Variants in TXK observed in about 807,000 individuals in gnomAD.
The protein encoded by TXK is tyrosine-protein kinase TXK.
In TXK, 60 loss-of-function variants were observed where a neutral mutation model predicts 81.0. That is an observed-to-expected ratio of 0.74 (90% CI 0.60 to 0.92). The LOEUF (loss-of-function observed/expected upper bound fraction) is 0.92. Ranked by LOEUF, TXK falls within the 40% of genes least tolerant of loss-of-function variation. The pLI, the probability that TXK is intolerant of heterozygous loss-of-function variation, is 0.00. For synonymous variants in TXK, 203 were observed against 210.7 expected (o/e 0.96, Z 0.32); for missense variants, 581 against 638.3 (o/e 0.91, Z 0.97).
At chr4:48,075,510 C>T (rs1473354786) in intron 12 of TXK, among the ~76,000 whole-genome samples, 1 of 151,934 alleles carries the variant, frequency 6.6e-6, no homozygotes, top group African/African-American at 2.4e-5. Context: ...ATTAGCTGGG[C>T]GTGGTGGCAT....
intron 1 of TXK, among the ~76,000 whole-genome samples, chr4:48,120,496 T>G (rs1350361424): frequency 6.6e-6 from 1 of 151,892 alleles, no homozygotes; most frequent in African/African-American, 2.4e-5. Context: ...AGTCTCTTTT[T>G]TTTTTTTTGG....
intron 6 of TXK, among the ~76,000 whole-genome samples, chr4:48,101,787 C>A (rs1718204025): frequency 6.7e-6 from 1 of 149,450 alleles, no homozygotes; most frequent in South Asian, 2.1e-4. Flanking sequence ...AGAAAAATTT[C>A]TTATACTAAG....
At chr4:48,082,973 A>G (rs775600423) in intron 10 of TXK, among the ~76,000 whole-genome samples, 4 of 152,116 alleles carry the variant, frequency 2.6e-5, no homozygotes, top group Non-Finnish European at 4.4e-5. Flanking sequence ...TCCCACATGC[A>G]TCCTTCAAGT....
chr4:48,111,669 C>T (rs1718637277), intron 4 of TXK, among the ~76,000 whole-genome samples: 1 of 152,114 alleles, frequency 6.6e-6, no homozygotes, highest in Admixed American at 6.5e-5. Flanking sequence ...AATTTACATG[C>T]TTATAATACT....
intron 1 of TXK, among the ~76,000 whole-genome samples, chr4:48,117,939 A>G (rs1718854812): frequency 6.6e-6 from 1 of 152,214 alleles, no homozygotes; most frequent in Non-Finnish European, 1.5e-5. Context: ...TGAGACTAAG[A>G]AAAAGCTAAC....
chr4:48,110,433 A>G, intron 5 of TXK, 105 bp downstream of exon 5: 1 of 739,404 alleles, frequency 1.4e-6, no homozygotes, highest in South Asian at 1.6e-5. Flanking sequence ...AACGCTGTCA[A>G]ATGTGTTACT....
At chr4:48,068,488 G>A (rs745724295) in intron 14 of TXK, among the ~76,000 whole-genome samples, 45 of 152,166 alleles carry the variant, frequency 3.0e-4, no homozygotes, top group Non-Finnish European at 5.1e-4. Flanking sequence ...GAGTGTGGAA[G>A]TCCCTCTCAC....
chr4:48,075,077 A>T (rs917479043), intron 12 of TXK, among the ~76,000 whole-genome samples: 4 of 151,918 alleles, frequency 2.6e-5, no homozygotes, highest in Non-Finnish European at 5.9e-5. Flanking sequence ...TCCCCCAAAA[A>T]GAGGAATGGG....
intron 1 of TXK, among the ~76,000 whole-genome samples, chr4:48,126,843 G>A (rs553792420): frequency 6.6e-6 from 1 of 152,238 alleles, no homozygotes; most frequent in South Asian, 2.1e-4. Flanking sequence ...TTATCAGTCA[G>A]CAGGCAGGAG....
intron 1 of TXK, among the ~76,000 whole-genome samples, chr4:48,128,126 C>T (rs556818005): frequency 6.6e-6 from 1 of 152,362 alleles, no homozygotes; most frequent in Admixed American, 6.5e-5. Context: ...ACATCGTCAC[C>T]TCCAGTTCAT....
intron 14 of TXK, among the ~76,000 whole-genome samples, chr4:48,067,942 G>C (rs1716673967): frequency 7.2e-5 from 11 of 152,162 alleles, no homozygotes; most frequent in Admixed American, 7.2e-4. Flanking sequence ...ATCCAGGCTG[G>C]CTCTTCACAA....
Position 48,100,732 on chromosome 4 carries a change from T to C in TXK, c.501+4169A>G, listed in dbSNP as rs1416609789. ...ATATAAATGGGAAAAGATATGTGTA[T>C]AGGTTATGGATGGTAGCATTGTTTC... On this transcript the variant is annotated intron_variant, in intron 6 of 14. Coordinates refer to ENST00000264316, the MANE Select transcript of TXK (RefSeq NM_003328.3). 2.6e-5 allele frequency among the ~76,000 whole-genome samples: 4 copies of C among 152,322 alleles called. No individual in the cohort carries two copies. The East Asian group carries it at 5.8e-4, about 22-fold the overall frequency.
intron 1 of TXK, among the ~76,000 whole-genome samples, chr4:48,132,894 T>C (rs953236365): frequency 4.8e-4 from 73 of 151,266 alleles, no homozygotes; most frequent in African/African-American, 1.6e-3. Context: ...TGCAGTGAGC[T>C]GAGATCGTGC....
At chr4:48,112,938 C>A (rs1180628811) in intron 3 of TXK, among the ~76,000 whole-genome samples, 1 of 152,038 alleles carries the variant, frequency 6.6e-6, no homozygotes, top group East Asian at 1.9e-4. Context: ...GAAAATTAAT[C>A]TCAGCCTCAA....
At position 48,067,649 on chromosome 4, in the gene TXK, C is replaced by T. The variant is rs967956192; in HGVS notation, c.1572G>A (p.Ala524=). 15 of 1,613,928 alleles carry T rather than the reference C, an allele frequency of 9.3e-6. No homozygotes were observed. The highest frequency in any genetic ancestry group is 1.1e-5 in the Non-Finnish European group (13 of 1,180,006). Residue 524 remains alanine (A), a synonymous_variant, in exon 15 of 15, where the codon GCG becomes GCA. Transcript: ENST00000264316. ...AELLRAVTEI[A]ETW Reference sequence around the variant, plus strand: ...ATTCTGTTTCCGGTCACCAGGTTTCCGCAATCTCTGTGACAGCCCGCAGCA... The same window carrying T: ...ATTCTGTTTCCGGTCACCAGGTTTCTGCAATCTCTGTGACAGCCCGCAGCA...
chr4:48,106,145 TG>T (rs1318290958), intron 5 of TXK: 1 of 152,248 alleles, frequency 6.6e-6, no homozygotes, highest in East Asian at 1.9e-4. Context: ...TAATCTTCTC[TG>T]TATTGTTCCA....
Position 48,112,531 on chromosome 4 carries a change from G to T in TXK, c.175-19C>A, listed in dbSNP as rs1215676934. On this transcript the variant is annotated intron_variant, in intron 3 of 14. Transcript: ENST00000264316. ...TGTTGGACTGTGAAAACCAATAAGT[G>T]AGTTGTTTTACTATCATTTTAATAA... is the stretch of plus-strand genomic sequence containing the variant. 9 of 1,582,252 alleles carry T rather than the reference G, an allele frequency of 5.7e-6. No homozygotes were observed. Among genetic ancestry groups the T allele is most frequent in the Non-Finnish European group, 1.7e-6 (2 of 1,166,266 alleles).
intron 1 of TXK, among the ~76,000 whole-genome samples, chr4:48,127,943 G>T (rs904532929): frequency 1.3e-5 from 2 of 152,162 alleles, no homozygotes; most frequent in African/African-American, 2.4e-5. Context: ...TTGGGAACAG[G>T]TTTCCACCAG....
chr4:48,101,496 G>A (rs569082579), intron 6 of TXK, among the ~76,000 whole-genome samples: 1 of 151,960 alleles, frequency 6.6e-6, no homozygotes, highest in Non-Finnish European at 1.5e-5. Context: ...AACACAACAG[G>A]ATAAATGCTG....
Sources: allele counts gnomAD v4.1 joint callset (sites outside exome capture counted in the v4.1 genomes callset), GRCh38; gene constraint gnomAD v4.1.1; transcripts MANE v1.5; gene names NCBI Gene and HGNC (gene_info 2026-07-23, HGNC 2026-07-21).